Variants in ARHGAP21 observed in about 807,000 individuals in gnomAD.
The protein encoded by ARHGAP21 is rho GTPase-activating protein 21.
A neutral mutation model predicts 164.6 loss-of-function variants in ARHGAP21; 38 were observed. The observed-to-expected ratio is 0.23, with a 90% confidence interval of 0.18 to 0.30. The LOEUF (loss-of-function observed/expected upper bound fraction) is 0.30, where lower values mean the gene tolerates loss of function less well. Among genes scored for constraint, ARHGAP21 ranks in the 10% least tolerant of loss-of-function variants. The pLI is 1.00. For synonymous variants in ARHGAP21, 766 were observed against 857.9 expected (o/e 0.89, Z 1.87); for missense variants, 1,822 against 2,370.7 (o/e 0.77, Z 4.81).
At chr10:24,688,992 G>A (rs1040506526) in intron 2 of ARHGAP21, among the ~76,000 whole-genome samples, 6 of 152,082 alleles carry the variant, frequency 3.9e-5, no homozygotes, top group African/African-American at 1.4e-4. Flanking sequence ...CTCTGCTTGG[G>A]AGAGAGGCAA....
At chr10:24,586,140 T>C (rs372141488) in intron 25 of ARHGAP21, 34 bp from the exon 26 acceptor site, 7 of 1,530,500 alleles carry the variant, frequency 4.6e-6, no homozygotes, top group Non-Finnish European at 6.1e-6. Context: ...ACTCTGAGCA[T>C]AAGAATGCAG....
chr10:24,618,998 G>A (rs570411028), intron 9 of ARHGAP21, among the ~76,000 whole-genome samples: 28 of 152,258 alleles, frequency 1.8e-4, no homozygotes, highest in Admixed American at 1.8e-3. Context: ...TCTGTTCCAG[G>A]ATTTATAGTA....
At chr10:24,599,124 T>G (rs2076705047) in intron 14 of ARHGAP21, among the ~76,000 whole-genome samples, 1 of 152,214 alleles carries the variant, frequency 6.6e-6, no homozygotes, top group Non-Finnish European at 1.5e-5. Context: ...TAAGTAAATG[T>G]TTATTACTTG....
rs1034190307 is a variant in ARHGAP21, at chr10:24,584,992, G to A, written c.5297C>T (p.Ala1766Val). The change falls in exon 26 of 26, where the codon GCA becomes GTA. Residue 1766 changes from alanine to valine, a missense_variant. By Grantham distance (64) the Ala-to-Val change is moderately conservative. Coordinates refer to ENST00000396432, the MANE Select transcript of ARHGAP21 (RefSeq NM_020824.4). Reference sequence around the variant, plus strand: ...TCTGGGTCTCAGTTTTAACCGATCTGCTATTTTCGTTTTCCATGTGGGTTC... The same window carrying A: ...TCTGGGTCTCAGTTTTAACCGATCTACTATTTTCGTTTTCCATGTGGGTTC... ...KQEPTWKTKI[A>V]DRLKLRPRAP... 2 of 1,613,826 alleles carry A rather than the reference G, an allele frequency of 1.2e-6. No homozygotes were observed. Among genetic ancestry groups the A allele is most frequent in the African/African-American group, 1.3e-5 (1 of 74,900 alleles).
chr10:24,681,717 C>A (rs1053252432), intron 2 of ARHGAP21, among the ~76,000 whole-genome samples: 2 of 151,974 alleles, frequency 1.3e-5, no homozygotes, highest in Admixed American at 1.3e-4. Flanking sequence ...TACATTAGGG[C>A]CAGTTTCATG....
intron 4 of ARHGAP21, chr10:24,648,937 CTA>C (rs1384172859): frequency 2.4e-6 from 2 of 836,880 alleles, no homozygotes; most frequent in African/African-American, 3.7e-5. Flanking sequence ...CACCTGTCCA[CTA>C]GAGAAAAACA....
At chr10:24,691,023 G>C (rs565205150) in intron 2 of ARHGAP21, among the ~76,000 whole-genome samples, 2 of 152,000 alleles carry the variant, frequency 1.3e-5, no homozygotes, top group African/African-American at 4.8e-5. Context: ...TTACAAATTG[G>C]GGTTAACAGG....
In ARHGAP21 at chr10:24,607,540, T is replaced by C. The variant is rs2077080545; in HGVS notation, c.2643A>G (p.Ser881=). The part of the protein sequence containing the change: ...QPNSKTERSK[S]YDEGLDDYRE... ...TGTAATCATCCAGACCCTCATCATA[T>C]GATTTTGATCTTTCTGTCTTTGAGT... The change falls in exon 11 of 26, where the codon TCA becomes TCG. Residue 881 remains serine (S), a synonymous_variant. Coordinates refer to ENST00000396432, the MANE Select transcript of ARHGAP21 (RefSeq NM_020824.4). 1 of 1,613,986 alleles carries C rather than the reference T, an allele frequency of 6.2e-7. No homozygotes were observed. The highest frequency in any genetic ancestry group is 8.5e-7 in the Non-Finnish European group (1 of 1,180,022).
chr10:24,716,906 G>C (rs1298114934), intron 2 of ARHGAP21, among the ~76,000 whole-genome samples: 1 of 152,220 alleles, frequency 6.6e-6, no homozygotes, highest in East Asian at 1.9e-4. Flanking sequence ...CAGGGGAATG[G>C]AGGTAGAGTC....
In ARHGAP21 at chr10:24,584,610, A is replaced by C; in HGVS notation, c.5679T>G (p.His1893Gln). The part of the protein sequence containing the change: ...IATTDTPLSL[H>Q]CNTGSSSSTL... ...TGCTGGAAGAACTGCCTGTGTTGCA[A>C]TGAAGAGACAAAGGTGTGTCGGTCG... Residue 1893 changes from histidine to glutamine, a missense_variant, in exon 26 of 26, where the codon CAT becomes CAG. Coordinates refer to ENST00000396432, the MANE Select transcript of ARHGAP21 (RefSeq NM_020824.4). 6.2e-7 allele frequency: 1 copy of C among 1,613,944 alleles called. No individual in the cohort carries two copies. The highest frequency in any genetic ancestry group is 8.5e-7 in the Non-Finnish European group (1 of 1,179,866).
At chr10:24,700,741 C>A (rs1269460846) in intron 2 of ARHGAP21, among the ~76,000 whole-genome samples, 3 of 152,102 alleles carry the variant, frequency 2.0e-5, no homozygotes, top group African/African-American at 7.2e-5. Flanking sequence ...AAGGATGATA[C>A]AATGTAAAGT....
intron 2 of ARHGAP21, among the ~76,000 whole-genome samples, chr10:24,693,909 G>A (rs1009780405): frequency 6.6e-6 from 1 of 151,982 alleles, no homozygotes; most frequent in Non-Finnish European, 1.5e-5. Context: ...CATTCATTTA[G>A]TATCTCTCTC....
chr10:24,620,730 A>G lies in ARHGAP21; in HGVS notation c.1165T>C (p.Tyr389His), dbSNP rs1834456297. Residue 389 changes from tyrosine to histidine, a missense_variant, in exon 9 of 26, where the codon TAT becomes CAT. Physicochemically the swap from Tyr to His is moderately conservative, Grantham distance 83 (BLOSUM62 2). Coordinates refer to ENST00000396432, the MANE Select transcript of ARHGAP21 (RefSeq NM_020824.4). ...NSHQHIDWKN[Y>H]KTYKEYIDNR... Reference sequence around the variant, plus strand: ...TCAATATACTCTTTGTAAGTTTTATAGTTTTTCCAGTCTATGTGCTGATGG... The same window carrying G: ...TCAATATACTCTTTGTAAGTTTTATGGTTTTTCCAGTCTATGTGCTGATGG... 1 of 1,614,208 alleles carries G rather than the reference A, an allele frequency of 6.2e-7. No individual in the cohort carries two copies. The highest frequency in any genetic ancestry group is 8.5e-7 in the Non-Finnish European group (1 of 1,180,038).
At position 24,596,219 on chromosome 10, in the gene ARHGAP21, C is replaced by G. The variant is rs2076572252; in HGVS notation, c.3478-176G>C. 3 of 549,266 alleles carry G rather than the reference C, an allele frequency of 5.5e-6. No individual in the cohort carries two copies. In the South Asian group the frequency reaches 1.0e-4, roughly 18 times the overall value. The allele number at this position is 549,266 out of a possible 1,614,324, so 34.0% of individuals were successfully genotyped here. On this transcript the variant is annotated intron_variant, in intron 17 of 25. Transcript: ENST00000396432. ...TAAAACCTGCAAGAGATATTTGAGA[C>G]AGTAAGAAGAGAACAAAGAGACTGA...
intron 2 of ARHGAP21, among the ~76,000 whole-genome samples, chr10:24,690,006 C>T (rs1005404313): frequency 1.3e-5 from 2 of 150,890 alleles, no homozygotes; most frequent in Non-Finnish European, 1.5e-5. Flanking sequence ...TTAGGAAAAT[C>T]TTCTAACCTA....
rs149806440 is a variant in ARHGAP21 at position 24,707,991 on chromosome 10, C to CA, written c.63+13845dup. ...TCTGCCTGTATACAGCAGTGTTTCC[C>CA]AAGTATGTTCCTACTTGTTTTATAG... On this transcript the variant is annotated intron_variant, in intron 2 of 25. Coordinates refer to ENST00000396432, the MANE Select transcript of ARHGAP21 (RefSeq NM_020824.4). Among the ~76,000 whole-genome samples the CA allele has an allele frequency of 1.5e-3, 229 of 152,226 alleles. 5 individuals carry two copies. The East Asian group carries it at 0.037, about 25-fold the overall frequency.
intron 4 of ARHGAP21, among the ~76,000 whole-genome samples, chr10:24,664,569 AT>A (rs1401024375): frequency 1.3e-4 from 20 of 149,828 alleles, no homozygotes; most frequent in African/African-American, 4.7e-4. Flanking sequence ...AAAAAAAATA[AT>A]AATAATAATA....
chr10:24,717,399 A>G (rs1845489248), intron 2 of ARHGAP21, among the ~76,000 whole-genome samples: 1 of 152,162 alleles, frequency 6.6e-6, no homozygotes, highest in Admixed American at 6.6e-5. Context: ...CTGCAATCCA[A>G]GGGGGATATA....
chr10:24,695,930 G>A (rs1237128274), intron 2 of ARHGAP21, among the ~76,000 whole-genome samples: 1 of 152,154 alleles, frequency 6.6e-6, no homozygotes, highest in Non-Finnish European at 1.5e-5. Context: ...GAAAGACCCT[G>A]AGCTGGAGGA....
Sources: gnomAD v4.1 joint callset for allele counts (sites outside exome capture counted in the v4.1 genomes callset) on GRCh38, gnomAD v4.1.1 for gene constraint, MANE v1.5 for transcripts, NCBI Gene and HGNC (gene_info 2026-07-23, HGNC 2026-07-21) for gene names.